DLGAP2: variants seen among roughly 807,000 people sequenced by gnomAD.
DLGAP2 encodes the protein disks large-associated protein 2.
DLGAP2 carries 26 observed loss-of-function variants against 100.3 expected under a neutral mutation model. The ratio of observed to expected loss-of-function variants is 0.26; its 90% CI spans 0.19 to 0.36. DLGAP2 has a LOEUF of 0.36. DLGAP2 is among the 10% of genes least tolerant of loss of function. DLGAP2 has a pLI of 1.00. For missense variants in DLGAP2, 1,858 were observed against 1,453.2 expected, an observed-to-expected ratio of 1.28 and a Z score of -4.53; for synonymous variants, 886 against 630.1, an observed-to-expected ratio of 1.41 and a Z score of -6.08.
intron 3 of DLGAP2, among the ~76,000 whole-genome samples, chr8:1,307,727 G>C (rs1025084838): frequency 6.6e-6 from 1 of 152,160 alleles, no homozygotes; most frequent in African/African-American, 2.4e-5. Flanking sequence ...CAATATAGAT[G>C]AACCCTGAAG....
chr8:966,507 G>C (rs764059960), intron 2 of DLGAP2, among the ~76,000 whole-genome samples: 1 of 152,216 alleles, frequency 6.6e-6, no homozygotes, highest in Non-Finnish European at 1.5e-5. Flanking sequence ...TGGTCTTTGA[G>C]AATGCTTTCA....
At chr8:1,574,989 C>G (rs141712504) in intron 6 of DLGAP2, among the ~76,000 whole-genome samples, 20 of 152,304 alleles carry the variant, frequency 1.3e-4, no homozygotes, top group African/African-American at 3.1e-4. Flanking sequence ...CAAACACACA[C>G]GTGTGCACAC....
At chr8:922,056 C>G (rs1341191629) in intron 2 of DLGAP2, among the ~76,000 whole-genome samples, 1 of 152,206 alleles carries the variant, frequency 6.6e-6, no homozygotes, top group Non-Finnish European at 1.5e-5. Context: ...GGGCAGGTGC[C>G]GTGTGCGCAG....
chr8:859,985 G>T (rs975180841), intron 1 of DLGAP2, among the ~76,000 whole-genome samples: 1 of 152,174 alleles, frequency 6.6e-6, no homozygotes, highest in Non-Finnish European at 1.5e-5. Flanking sequence ...GAGCTTATTA[G>T]TGTTAATGGT....
At chr8:1,433,196 C>T (rs542916554) in intron 3 of DLGAP2, among the ~76,000 whole-genome samples, 1 of 152,332 alleles carries the variant, frequency 6.6e-6, no homozygotes, top group South Asian at 2.1e-4. Context: ...GTTCCATGAA[C>T]TCTTGAAGGA....
intron 6 of DLGAP2, among the ~76,000 whole-genome samples, chr8:1,600,416 C>T (rs1454997276): frequency 6.6e-6 from 1 of 152,100 alleles, no homozygotes; most frequent in Non-Finnish European, 1.5e-5. Flanking sequence ...TGATTGTTGG[C>T]CTTTCTTGCT....
chr8:967,917 G>A (rs1179878787), intron 2 of DLGAP2, among the ~76,000 whole-genome samples: 4 of 130,014 alleles, frequency 3.1e-5, no homozygotes, highest in Non-Finnish European at 6.3e-5. Context: ...ACAAACAGGT[G>A]TTTTCTTCAT....
Position 1,154,257 on chromosome 8 carries a change from A to G in DLGAP2, c.74-104594A>G, listed in dbSNP as rs546627353. On this transcript the variant is annotated intron_variant, in intron 2 of 14. Transcript: ENST00000637795. ...GAAAATGCCTTGCAAAGCAAATGACACTAATGTCAGGTTTGAAGAGCTGAG... is the reference window on the plus strand; with the variant it reads ...GAAAATGCCTTGCAAAGCAAATGACGCTAATGTCAGGTTTGAAGAGCTGAG... Among the ~76,000 whole-genome samples the G allele has an allele frequency of 1.8e-4, 27 of 152,308 alleles. 1 individual carries two copies. In the South Asian group the frequency reaches 5.6e-3, roughly 32 times the overall value.
chr8:1,701,637 G>GC lies in DLGAP2; in HGVS notation c.*232dup. On this transcript the variant is annotated 3_prime_UTR_variant, in exon 15 of 15. Coordinates refer to ENST00000637795, the MANE Select transcript of DLGAP2 (RefSeq NM_001346810.2). ...GTTGTTGTTGTTCACGGGTGGCCTG[G>GC]CTCACACTTGGCTCTGAGGGACAGG... 1.7e-6 allele frequency: 1 copy of GC among 576,782 alleles called. No homozygotes were observed. The highest frequency in any genetic ancestry group is 3.0e-6 in the Non-Finnish European group (1 of 331,944). 35.7% of individuals were successfully genotyped at this position (576,782 alleles called of 1,614,324 possible). A position where few individuals can be genotyped will look rare whatever the true frequency, so the allele number is the denominator to read the frequency against.
intron 2 of DLGAP2, among the ~76,000 whole-genome samples, chr8:1,111,654 G>T (rs911865271): frequency 6.6e-6 from 1 of 152,108 alleles, no homozygotes; most frequent in Admixed American, 6.5e-5. Context: ...AGAACATGCA[G>T]TATTTGTTTT....
At chr8:754,727 G>A (rs892797002) in intron 1 of DLGAP2, among the ~76,000 whole-genome samples, 9 of 152,106 alleles carry the variant, frequency 5.9e-5, no homozygotes, top group African/African-American at 1.7e-4. Context: ...CCAGTAATCC[G>A]GTCACTCAGG....
At chr8:763,703 G>A (rs1177962212) in intron 1 of DLGAP2, among the ~76,000 whole-genome samples, 1 of 151,504 alleles carries the variant, frequency 6.6e-6, no homozygotes, top group Non-Finnish European at 1.5e-5. Flanking sequence ...GACTCGGTGT[G>A]TCCTTCGTCT....
intron 2 of DLGAP2, among the ~76,000 whole-genome samples, chr8:1,042,777 ATGTGGGTGGTGGGTGTGGGTGGTGGG>A (rs1563161105): frequency 2.2e-5 from 1 of 44,488 alleles, no homozygotes; most frequent in Non-Finnish European, 4.5e-5. Flanking sequence ...TGGGTGATGG[ATGTGGGTGGTGGGTGTGGGTGGTGGG>A]TGTGGGTGGT....
intron 3 of DLGAP2, among the ~76,000 whole-genome samples, chr8:1,465,922 G>T (rs1798615184): frequency 6.6e-6 from 1 of 152,186 alleles, no homozygotes; most frequent in African/African-American, 2.4e-5. Context: ...AGAAAGGCCG[G>T]GAAAGGTCCC....
intron 2 of DLGAP2, among the ~76,000 whole-genome samples, chr8:1,000,856 T>TG (rs1800935251): frequency 6.6e-6 from 1 of 151,842 alleles, no homozygotes; most frequent in Non-Finnish European, 1.5e-5. Context: ...TGGACAGGTG[T>TG]GGGGGGAGAG....
chr8:1,430,027 T>TATATATATATATACATAC (rs1282725274), intron 3 of DLGAP2, among the ~76,000 whole-genome samples: 1 of 76,888 alleles, frequency 1.3e-5, no homozygotes, highest in Non-Finnish European at 2.5e-5. Flanking sequence ...TATATATATA[T>TATATATATATATACATAC]ACACACACAC....
At chr8:1,449,893 AG>A in intron 3 of DLGAP2, among the ~76,000 whole-genome samples, 2 of 125,688 alleles carry the variant, frequency 1.6e-5, no homozygotes. Flanking sequence ...GCTGAGGCGG[AG>A]CTGTGAGGGT....
chr8:1,192,592 G>A (rs562385723), intron 2 of DLGAP2, among the ~76,000 whole-genome samples: 2 of 138,742 alleles, frequency 1.4e-5, no homozygotes, highest in East Asian at 2.5e-4. Context: ...CCACTCCCAC[G>A]AGTCTGAGTG....
chr8:1,261,442 G>C (rs957478024), intron 3 of DLGAP2, among the ~76,000 whole-genome samples: 2 of 150,134 alleles, frequency 1.3e-5, no homozygotes, highest in African/African-American at 4.9e-5. Context: ...CAGACTGGGA[G>C]GGCAGGTCAG....
Sources: allele counts gnomAD v4.1 joint callset (sites outside exome capture counted in the v4.1 genomes callset), GRCh38; gene constraint gnomAD v4.1.1; transcripts MANE v1.5; gene names NCBI Gene and HGNC (gene_info 2026-07-23, HGNC 2026-07-21).